KCNN2: variants seen among roughly 807,000 people sequenced by gnomAD.
The protein encoded by KCNN2 is potassium calcium-activated channel subfamily N member 2.
A neutral mutation model predicts 55.5 loss-of-function variants in KCNN2; 24 were observed. The observed-to-expected ratio is 0.43, with a 90% CI of 0.31 to 0.61. The LOEUF is 0.61. Ranked by LOEUF, KCNN2 falls within the 20% of genes least tolerant of loss-of-function variation. KCNN2 has a pLI of 0.08. For synonymous variants in KCNN2, 431 were observed against 336.1 expected (o/e 1.28, Z -3.09); for missense variants, 754 against 853.6 (o/e 0.88, Z 1.45).
chr5:114,079,684 T>G (rs1434330654), intron 1 of KCNN2, among the ~76,000 whole-genome samples: 1 of 152,150 alleles, frequency 6.6e-6, no homozygotes, highest in African/African-American at 2.4e-5. Context: ...TGCCTTGGTG[T>G]CTGGCACATA....
chr5:114,495,742 A>G (rs560528156), intron 7 of KCNN2, among the ~76,000 whole-genome samples, 153 bp from the exon 8 acceptor site: 2 of 152,194 alleles, frequency 1.3e-5, no homozygotes, highest in Non-Finnish European at 2.9e-5. Context: ...AACACATACA[A>G]TGAGTTGGCT....
At chr5:114,210,193 A>G (rs1219079732) in intron 1 of KCNN2, among the ~76,000 whole-genome samples, 1 of 152,092 alleles carries the variant, frequency 6.6e-6, no homozygotes, top group African/African-American at 2.4e-5. Context: ...GAAGGCTGTG[A>G]TATGCCTTAT....
intron 5 of KCNN2, among the ~76,000 whole-genome samples, chr5:114,473,707 G>T (rs1761852232): frequency 6.6e-6 from 1 of 152,138 alleles, no homozygotes; most frequent in Non-Finnish European, 1.5e-5. Flanking sequence ...AATATTAGCA[G>T]AAGAAAACAG....
chr5:114,162,001 T>G (rs533394163), intron 1 of KCNN2, among the ~76,000 whole-genome samples: 32 of 152,354 alleles, frequency 2.1e-4, no homozygotes, highest in African/African-American at 7.5e-4. Flanking sequence ...TTCTCTCAGC[T>G]CATGAAAGTC....
chr5:114,281,023 T>C (rs1165796134), intron 2 of KCNN2, among the ~76,000 whole-genome samples: 1 of 152,140 alleles, frequency 6.6e-6, no homozygotes. Context: ...CCCCATATAG[T>C]CCTATGCCTC....
At chr5:114,387,160 T>C (rs1758313571) in intron 2 of KCNN2, among the ~76,000 whole-genome samples, 1 of 152,232 alleles carries the variant, frequency 6.6e-6, no homozygotes, top group African/African-American at 2.4e-5. Flanking sequence ...GTAATACAAA[T>C]GGATAATCTT....
chr5:114,320,429 T>C (rs1224076297), intron 2 of KCNN2, among the ~76,000 whole-genome samples: 2 of 152,092 alleles, frequency 1.3e-5, no homozygotes, highest in East Asian at 1.9e-4. Flanking sequence ...CTGGCTAACA[T>C]GGTGAAACAC....
intron 1 of KCNN2, among the ~76,000 whole-genome samples, chr5:114,072,639 A>AACAG (rs1416859181): frequency 1.3e-5 from 2 of 152,178 alleles, no homozygotes; most frequent in Non-Finnish European, 2.9e-5. Flanking sequence ...AGCAACACAG[A>AACAG]ACAGACTAAG....
intron 4 of KCNN2, 34 bp downstream of exon 4, chr5:114,463,224 T>G: frequency 6.3e-7 from 1 of 1,582,508 alleles, no homozygotes; most frequent in Non-Finnish European, 8.6e-7. Context: ...CTCTTTTATT[T>G]ACGCTCAAGA....
intron 1 of KCNN2, among the ~76,000 whole-genome samples, chr5:114,116,523 C>T (rs1161718553): frequency 6.6e-6 from 1 of 152,064 alleles, no homozygotes; most frequent in Non-Finnish European, 1.5e-5. Flanking sequence ...AGGATTCTTT[C>T]TAATGAACTG....
intron 1 of KCNN2, among the ~76,000 whole-genome samples, chr5:114,169,869 T>C (rs1580584410): frequency 6.6e-6 from 1 of 152,134 alleles, no homozygotes; most frequent in East Asian, 1.9e-4. Flanking sequence ...CTGATGAAAA[T>C]GTTTCAGAGA....
intron 5 of KCNN2, among the ~76,000 whole-genome samples, chr5:114,474,793 A>C (rs2150125893): frequency 6.6e-6 from 1 of 152,242 alleles, no homozygotes; most frequent in African/African-American, 2.4e-5. Flanking sequence ...AAGATTATAC[A>C]TTTCCTCAGG....
chr5:114,386,857 G>T (rs1758305591), intron 2 of KCNN2, among the ~76,000 whole-genome samples: 1 of 152,180 alleles, frequency 6.6e-6, no homozygotes, highest in Non-Finnish European at 1.5e-5. Context: ...AACAAGGTTG[G>T]TGATTCTTCT....
At chr5:114,456,925 C>T (rs1760951199) in intron 3 of KCNN2, among the ~76,000 whole-genome samples, 1 of 152,130 alleles carries the variant, frequency 6.6e-6, no homozygotes, top group Non-Finnish European at 1.5e-5. Flanking sequence ...AGCAAATAAA[C>T]TGTTTCTTGA....
At chr5:114,209,903 A>T (rs980538688) in intron 1 of KCNN2, among the ~76,000 whole-genome samples, 1 of 150,782 alleles carries the variant, frequency 6.6e-6, no homozygotes, top group Non-Finnish European at 1.5e-5. Flanking sequence ...GAATTCACCT[A>T]CTCACTAAAA....
intron 2 of KCNN2, among the ~76,000 whole-genome samples, chr5:114,299,816 G>A (rs1256748109): frequency 6.6e-6 from 1 of 152,084 alleles, no homozygotes; most frequent in Non-Finnish European, 1.5e-5. Flanking sequence ...ACCCAGTTAG[G>A]TTCTGTGGGA....
At chr5:114,257,780 T>C (rs1755013350) in intron 2 of KCNN2, among the ~76,000 whole-genome samples, 1 of 152,172 alleles carries the variant, frequency 6.6e-6, no homozygotes, top group Non-Finnish European at 1.5e-5. Flanking sequence ...AGGTATAAGC[T>C]TATATCATCA....
At chr5:114,143,461 C>A (rs1056556904) in intron 1 of KCNN2, among the ~76,000 whole-genome samples, 1 of 152,088 alleles carries the variant, frequency 6.6e-6, no homozygotes, top group South Asian at 2.1e-4. Context: ...AGGGAGTATG[C>A]CTTAACCCTA....
intron 2 of KCNN2, among the ~76,000 whole-genome samples, chr5:114,309,699 T>C (rs1756359848): frequency 6.6e-6 from 1 of 152,166 alleles, no homozygotes; most frequent in African/African-American, 2.4e-5. Flanking sequence ...GGGGAAGAAC[T>C]AGCTATCTAG....
Sources: gnomAD v4.1 joint callset for allele counts (sites outside exome capture counted in the v4.1 genomes callset) on GRCh38, gnomAD v4.1.1 for gene constraint, MANE v1.5 for transcripts, NCBI Gene and HGNC (gene_info 2026-07-23, HGNC 2026-07-21) for gene names.